The following CSMD3 variants were observed in gnomAD, a reference collection of about 807,000 sequenced individuals.
CSMD3 encodes the protein CUB and Sushi multiple domains 3, also known as CUB and sushi domain-containing protein 3.
In CSMD3, 177 loss-of-function variants were observed where a neutral mutation model predicts 435.2. That is an observed-to-expected ratio of 0.41 (90% CI 0.36 to 0.46). The LOEUF is 0.46. Ranked by LOEUF, CSMD3 falls within the 20% of genes least tolerant of loss-of-function variation. The probability of loss-of-function intolerance (pLI) is 0.34; values close to 1 mark genes in which losing one functional copy is unlikely to be tolerated. For synonymous variants in CSMD3, 1,656 were observed against 1,520.5 expected (o/e 1.09, Z -2.07); for missense variants, 4,265 against 4,504.6 (o/e 0.95, Z 1.52).
chr8:113,124,560 A>G (rs2091074500), intron 4 of CSMD3, among the ~76,000 whole-genome samples: 1 of 151,966 alleles, frequency 6.6e-6, no homozygotes, highest in Admixed American at 6.6e-5. Context: ...TCTGCCAAGA[A>G]TTTCTTATTT....
intron 3 of CSMD3, among the ~76,000 whole-genome samples, chr8:113,213,693 A>C (rs1488687129): frequency 1.3e-5 from 2 of 152,054 alleles, no homozygotes; most frequent in Non-Finnish European, 2.9e-5. Flanking sequence ...AACTTTAAAA[A>C]AACTATTACA....
chr8:113,261,177 G>A lies in CSMD3; in HGVS notation c.514+17415C>T, dbSNP rs187649809. Among the ~76,000 whole-genome samples, 776 of 152,092 alleles carry A rather than the reference G, an allele frequency of 5.1e-3. 7 individuals carry two copies. The highest frequency in any genetic ancestry group is 0.018 in the African/African-American group (749 of 41,502). On this transcript the variant is annotated intron_variant, in intron 3 of 70. Coordinates refer to ENST00000297405, the MANE Select transcript of CSMD3 (RefSeq NM_198123.2). ...ATTGGTCCATAGTGTCTATTTATTT[G>A]TCAATATGGAATGAAACATGGTATT...
chr8:112,523,009 C>T (rs969295121), intron 27 of CSMD3, among the ~76,000 whole-genome samples: 1 of 151,802 alleles, frequency 6.6e-6, no homozygotes, highest in African/African-American at 2.4e-5. Flanking sequence ...GAAAACACGC[C>T]GGTTTTCTTA....
At chr8:112,722,302 A>C (rs180970048) in intron 13 of CSMD3, among the ~76,000 whole-genome samples, 1 of 152,160 alleles carries the variant, frequency 6.6e-6, no homozygotes, top group Non-Finnish European at 1.5e-5. Context: ...TTTTAAAAAA[A>C]AAGGCTATAC....
At chr8:112,421,025 G>A (rs1812438999) in intron 32 of CSMD3, among the ~76,000 whole-genome samples, 1 of 152,056 alleles carries the variant, frequency 6.6e-6, no homozygotes, top group Non-Finnish European at 1.5e-5. Context: ...CTCTTTCATT[G>A]GCAGAATGTA....
At chr8:113,323,599 T>G (rs747506811) in intron 1 of CSMD3, among the ~76,000 whole-genome samples, 2 of 152,180 alleles carry the variant, frequency 1.3e-5, no homozygotes, top group African/African-American at 4.8e-5. Flanking sequence ...AATGTACTTA[T>G]AAAAAGTATC....
At chr8:112,342,036 C>G (rs1047617934) in intron 41 of CSMD3, among the ~76,000 whole-genome samples, 1 of 152,004 alleles carries the variant, frequency 6.6e-6, no homozygotes, top group African/African-American at 2.4e-5. Flanking sequence ...CGCTTTTGGC[C>G]TAATTTGTGT....
At chr8:113,231,586 T>A (rs1309671293) in intron 3 of CSMD3, among the ~76,000 whole-genome samples, 7 of 151,516 alleles carry the variant, frequency 4.6e-5, no homozygotes, top group Non-Finnish European at 1.0e-4. Flanking sequence ...GTTAAAAAAA[T>A]TATTTGTAGA....
chr8:113,030,488 A>G (rs543698469), intron 5 of CSMD3, among the ~76,000 whole-genome samples: 4 of 150,804 alleles, frequency 2.7e-5, no homozygotes, highest in African/African-American at 9.7e-5. Flanking sequence ...GGATGCAGAA[A>G]TAAACCCAAA....
chr8:112,788,473 A>C (rs911465069), intron 13 of CSMD3, among the ~76,000 whole-genome samples: 1 of 152,096 alleles, frequency 6.6e-6, no homozygotes, highest in African/African-American at 2.4e-5. Flanking sequence ...TCTCATTCAA[A>C]GTTCACCGCC....
chr8:112,339,004 G>A (rs1256118181), intron 42 of CSMD3, among the ~76,000 whole-genome samples: 2 of 151,978 alleles, frequency 1.3e-5, no homozygotes, highest in African/African-American at 4.8e-5. Flanking sequence ...TGGGTCTGGA[G>A]GCAGGGAACC....
chr8:112,348,904 AT>A (rs1230464334), intron 40 of CSMD3, among the ~76,000 whole-genome samples: 2 of 152,042 alleles, frequency 1.3e-5, no homozygotes, highest in African/African-American at 2.4e-5. Flanking sequence ...AAAATTGATA[AT>A]TTTTTAAGAA....
At chr8:113,031,435 T>C (rs1003444750) in intron 5 of CSMD3, among the ~76,000 whole-genome samples, 1 of 151,656 alleles carries the variant, frequency 6.6e-6, no homozygotes, top group Non-Finnish European at 1.5e-5. Flanking sequence ...ATTATGTAAT[T>C]CCATTCATAT....
In CSMD3 at chr8:112,597,326, G is replaced by A. The variant is rs1831828202; in HGVS notation, c.3716-10091C>T. Among the ~76,000 whole-genome samples, 5 of 151,944 alleles carry A rather than the reference G, an allele frequency of 3.3e-5. No homozygotes were observed. The South Asian group carries it at 1.0e-3, about 32-fold the overall frequency. On this transcript the variant is annotated intron_variant, in intron 22 of 70. Coordinates refer to ENST00000297405, the MANE Select transcript of CSMD3 (RefSeq NM_198123.2). ...CCCAAGACTAAACCAGGAAGAAGTT[G>A]AATCTCTGAATAGACCAATAACAGG...
chr8:112,959,502 A>T (rs2084151791), intron 7 of CSMD3, among the ~76,000 whole-genome samples: 1 of 151,928 alleles, frequency 6.6e-6, no homozygotes, highest in Non-Finnish European at 1.5e-5. Context: ...ATGAACAAGT[A>T]ACTAGTATCT....
At chr8:112,718,515 G>GTA (rs35810260) in intron 13 of CSMD3, among the ~76,000 whole-genome samples, 2,065 of 140,378 alleles carry the variant, frequency 0.015, 13 homozygotes, top group Middle Eastern at 0.034. Context: ...GTATATATAT[G>GTA]TATATATATA....
intron 24 of CSMD3, among the ~76,000 whole-genome samples, chr8:112,571,401 T>C (rs1231408548): frequency 2.0e-5 from 3 of 152,028 alleles, no homozygotes; most frequent in African/African-American, 7.2e-5. Context: ...CTAATGACAA[T>C]AAAGTCAATG....
chr8:112,986,372 T>G (rs1467885660), intron 6 of CSMD3, among the ~76,000 whole-genome samples: 1 of 152,092 alleles, frequency 6.6e-6, no homozygotes, highest in Admixed American at 6.6e-5. Context: ...ATCCTTTCAA[T>G]GTAGGTATTA....
chr8:113,283,582 G>A (rs768659094), intron 2 of CSMD3, among the ~76,000 whole-genome samples: 2 of 152,052 alleles, frequency 1.3e-5, no homozygotes, highest in Non-Finnish European at 2.9e-5. Flanking sequence ...AAAAACCTTA[G>A]ATGCTTGTGT....
Sources: allele counts gnomAD v4.1 joint callset (sites outside exome capture counted in the v4.1 genomes callset), GRCh38; gene constraint gnomAD v4.1.1; transcripts MANE v1.5; gene names NCBI Gene and HGNC (gene_info 2026-07-23, HGNC 2026-07-21).